ERC2: variants seen among roughly 807,000 people sequenced by gnomAD.
ERC2 encodes ELKS/RAB6-interacting/CAST family member 2, also known as ERC protein 2.
A neutral mutation model predicts 114.8 loss-of-function variants in ERC2; 42 were observed. The ratio of observed to expected loss-of-function variants is 0.37; its 90% CI spans 0.29 to 0.47. The LOEUF (loss-of-function observed/expected upper bound fraction) is 0.47. Among genes scored for constraint, ERC2 ranks in the 20% least tolerant of loss-of-function variants. The pLI is 0.99. For missense variants in ERC2, 939 were observed against 1,150.7 expected (o/e 0.82, Z 2.66); for synonymous variants, 454 against 425.5 (o/e 1.07, Z -0.82).
intron 3 of ERC2, among the ~76,000 whole-genome samples, chr3:56,268,461 A>T (rs2053465075): frequency 6.6e-6 from 1 of 152,218 alleles, no homozygotes; most frequent in Non-Finnish European, 1.5e-5. Context: ...AATAAAAAGC[A>T]CATATATAAA....
At chr3:56,311,501 G>A (rs1315942334) in intron 2 of ERC2, among the ~76,000 whole-genome samples, 2 of 151,250 alleles carry the variant, frequency 1.3e-5, no homozygotes, top group African/African-American at 4.9e-5. Flanking sequence ...GGGTTTCACC[G>A]TGTTAGCCAC....
At chr3:56,246,290 G>A (rs961006773) in intron 3 of ERC2, among the ~76,000 whole-genome samples, 4 of 151,896 alleles carry the variant, frequency 2.6e-5, no homozygotes, top group African/African-American at 9.7e-5. Flanking sequence ...GGCCTGCCCT[G>A]TGCATTGTAG....
At chr3:55,675,475 C>T (rs1017853701) in intron 17 of ERC2, among the ~76,000 whole-genome samples, 4 of 152,152 alleles carry the variant, frequency 2.6e-5, no homozygotes, top group Non-Finnish European at 4.4e-5. Context: ...AGGAATCTAG[C>T]CATTCTGATT....
chr3:55,886,933 C>T (rs952828005), intron 14 of ERC2, among the ~76,000 whole-genome samples: 1 of 152,226 alleles, frequency 6.6e-6, no homozygotes, highest in Non-Finnish European at 1.5e-5. Flanking sequence ...AACCATTGAG[C>T]ACCTATCACA....
chr3:56,032,702 T>C (rs1200036693), intron 7 of ERC2, among the ~76,000 whole-genome samples: 1 of 151,662 alleles, frequency 6.6e-6, no homozygotes, highest in African/African-American at 2.4e-5. Context: ...AACAGGAACC[T>C]TGGAACCCCA....
At chr3:55,837,735 C>G (rs2060960866) in intron 14 of ERC2, among the ~76,000 whole-genome samples, 4 of 151,610 alleles carry the variant, frequency 2.6e-5, no homozygotes, top group South Asian at 2.1e-4. Context: ...CACATGTACC[C>G]TATAACTTAA....
intron 7 of ERC2, among the ~76,000 whole-genome samples, chr3:56,033,068 G>C (rs1232962713): frequency 1.9e-5 from 2 of 107,914 alleles, no homozygotes; most frequent in East Asian, 4.8e-4. Flanking sequence ...AAGAAAGAAA[G>C]AAAGAAAGAA....
At chr3:55,988,831 A>G (rs1268820439) in intron 11 of ERC2, among the ~76,000 whole-genome samples, 5 of 152,238 alleles carry the variant, frequency 3.3e-5, no homozygotes, top group Non-Finnish European at 7.3e-5. Context: ...TTAGTTGTCA[A>G]TATTGTGAGG....
intron 14 of ERC2, among the ~76,000 whole-genome samples, chr3:55,781,876 G>GAAA (rs532360945): frequency 9.2e-4 from 75 of 81,254 alleles, no homozygotes; most frequent in African/African-American, 2.7e-3. Context: ...CAGCCTCACA[G>GAAA]AAAAAAAAAA....
At chr3:56,181,795 G>T (rs2083300161) in intron 3 of ERC2, among the ~76,000 whole-genome samples, 1 of 152,196 alleles carries the variant, frequency 6.6e-6, no homozygotes. Context: ...TGTTTTGGTA[G>T]ATGGCAGCTG....
intron 2 of ERC2, among the ~76,000 whole-genome samples, chr3:56,375,036 C>T (rs539604173): frequency 2.6e-5 from 4 of 152,154 alleles, no homozygotes; most frequent in Non-Finnish European, 5.9e-5. Context: ...GCAGCCATCC[C>T]TGTATTCTTC....
At chr3:55,763,024 A>G (rs1335597088) in intron 14 of ERC2, among the ~76,000 whole-genome samples, 2 of 152,208 alleles carry the variant, frequency 1.3e-5, no homozygotes, top group African/African-American at 2.4e-5. Flanking sequence ...ACATAATTAA[A>G]CAGAGAATCA....
intron 16 of ERC2, among the ~76,000 whole-genome samples, chr3:55,696,525 G>C (rs1448087509): frequency 6.6e-6 from 1 of 152,036 alleles, no homozygotes; most frequent in East Asian, 1.9e-4. Context: ...CTTTCATATG[G>C]CTGTCATTTT....
intron 4 of ERC2, among the ~76,000 whole-genome samples, chr3:56,160,491 C>T (rs1316049103): frequency 6.6e-6 from 1 of 152,076 alleles, no homozygotes; most frequent in Non-Finnish European, 1.5e-5. Flanking sequence ...TTAGGTCCCA[C>T]TTGTCAATTT....
intron 17 of ERC2, among the ~76,000 whole-genome samples, chr3:55,560,684 A>G (rs763884157): frequency 6.6e-6 from 1 of 152,180 alleles, no homozygotes; most frequent in Non-Finnish European, 1.5e-5. Context: ...GGAATTCCTG[A>G]CCCATAAAAT....
intron 2 of ERC2, among the ~76,000 whole-genome samples, chr3:56,398,503 C>T (rs1447303682): frequency 6.6e-6 from 1 of 151,630 alleles, no homozygotes; most frequent in East Asian, 1.9e-4. Context: ...GAAAAGTATC[C>T]CTTGTTTTTC....
chr3:55,625,683 G>A (rs536013949), intron 17 of ERC2, among the ~76,000 whole-genome samples: 9 of 151,976 alleles, frequency 5.9e-5, no homozygotes, highest in South Asian at 2.1e-4. Flanking sequence ...CCTGGGAGGC[G>A]GAGTTTGCAG....
At chr3:56,310,335 T>C (rs1359935247) in intron 2 of ERC2, among the ~76,000 whole-genome samples, 1 of 152,224 alleles carries the variant, frequency 6.6e-6, no homozygotes, top group African/African-American at 2.4e-5. Context: ...TATACAGTTA[T>C]TATAGGACGG....
chr3:55,855,146 C>T (rs1380940237), intron 14 of ERC2, among the ~76,000 whole-genome samples: 1 of 152,174 alleles, frequency 6.6e-6, no homozygotes, highest in East Asian at 1.9e-4. Flanking sequence ...CCCATTTCCA[C>T]CTAGATTGCC....
Sources: allele counts gnomAD v4.1 joint callset (sites outside exome capture counted in the v4.1 genomes callset), GRCh38; gene constraint gnomAD v4.1.1; transcripts MANE v1.5; gene names NCBI Gene and HGNC (gene_info 2026-07-23, HGNC 2026-07-21).